Variants in ADPRHL1 observed in about 807,000 individuals in gnomAD.
ADPRHL1 encodes ADP-ribosylhydrolase like 1.
Under a neutral mutation model 44.1 loss-of-function variants are expected in ADPRHL1, and 43 were observed. The ratio of observed to expected loss-of-function variants is 0.98; its 90% CI spans 0.76 to 1.26. ADPRHL1 has a LOEUF of 1.26. Among genes scored for constraint, ADPRHL1 ranks in the 50% most tolerant of loss-of-function variants. The pLI, the probability that ADPRHL1 is intolerant of heterozygous loss-of-function variation, is 0.00. For missense variants in ADPRHL1, 2,022 were observed against 2,496.9 expected (o/e 0.81, Z 4.05); for synonymous variants, 878 against 1,017.4 (o/e 0.86, Z 2.61).
intron 1 of ADPRHL1, among the ~76,000 whole-genome samples, chr13:113,450,875 G>T (rs1412170840): frequency 6.6e-6 from 1 of 152,132 alleles, no homozygotes; most frequent in Non-Finnish European, 1.5e-5. Context: ...GATAACTGCG[G>T]GCGAGCCTGA....
chr13:113,429,458 G>A (rs551878280), intron 3 of ADPRHL1, among the ~76,000 whole-genome samples: 6 of 152,322 alleles, frequency 3.9e-5, no homozygotes, highest in Non-Finnish European at 7.3e-5. Context: ...CACTCAGGAC[G>A]CATCCCCAGG....
rs779268662 is a variant in ADPRHL1, at chr13:113,453,484, CTT to C, written c.-49_-48del. On this transcript the variant is annotated 5_prime_UTR_variant, in exon 1 of 8. Coordinates refer to ENST00000612156, the MANE Select transcript of ADPRHL1 (RefSeq NM_001394807.1). The surrounding 1 kb of genome is among the most constrained non-coding windows in gnomAD (Gnocchi z 5.4). ...CCCAACAGCTGCGGAGCGTCCTGGC[CTT>C]TGTCTCCTCCTCAGCCCGCCTGACT... 2.3e-5 allele frequency: 37 copies of C among 1,590,670 alleles called. No homozygotes were observed. The African/African-American group carries it at 4.7e-4, about 20-fold the overall frequency.
At chr13:113,438,952 C>T (rs1000987624) in intron 2 of ADPRHL1, among the ~76,000 whole-genome samples, 3 of 152,140 alleles carry the variant, frequency 2.0e-5, no homozygotes, top group East Asian at 3.8e-4. Context: ...CTTTGACTTG[C>T]CTTTTCATTC....
At chr13:113,437,181 A>T (rs963409901) in intron 2 of ADPRHL1, among the ~76,000 whole-genome samples, 2 of 145,502 alleles carry the variant, frequency 1.4e-5, no homozygotes, top group Non-Finnish European at 3.0e-5. Flanking sequence ...GAGTGAACAT[A>T]GGTGTACCCC....
At position 113,406,791 on chromosome 13, in the gene ADPRHL1, CAGCCTG is replaced by C; in HGVS notation, c.2485_2490del (p.Gln829_Ala830del). ...TCCGTGGCAGGCTGTGTTCTCCGAG[CAGCCTG>C]GACCGATGGAGCGTTCAGGGGTGGG... is the stretch of plus-strand genomic sequence containing the variant. On this transcript the variant is annotated inframe_deletion, in exon 8 of 8. Coordinates refer to ENST00000612156, the MANE Select transcript of ADPRHL1 (RefSeq NM_001394807.1). 1 of 1,232,010 alleles carries C rather than the reference CAGCCTG, an allele frequency of 8.1e-7. No homozygotes were observed. 76.3% of individuals were successfully genotyped at this position (1,232,010 alleles called of 1,614,324 possible).
At position 113,409,467 on chromosome 13, in the gene ADPRHL1, C is replaced by T; in HGVS notation, c.1062-1247G>A. ...TATAATGTTGAAAAATCTAGAGCAT[C>T]CTCGATGTCCAACTCCAGGGCGGCC... On this transcript the variant is annotated intron_variant, in intron 7 of 7. Transcript: ENST00000612156. This position sits in a 1 kb window ranked among gnomAD's most constrained non-coding sequence, Gnocchi z 4.2. 1 of 985,408 alleles carries T rather than the reference C, an allele frequency of 1.0e-6. No individual in the cohort carries two copies. The highest frequency in any genetic ancestry group is 1.2e-6 in the Non-Finnish European group (1 of 829,926). The allele number at this position is 985,408 out of a possible 1,614,324, so 61.0% of individuals were successfully genotyped here.
chr13:113,435,229 CCCAGGT>C, intron 2 of ADPRHL1, among the ~76,000 whole-genome samples: 3 of 15,656 alleles, frequency 1.9e-4, no homozygotes, highest in African/African-American at 4.7e-4. Flanking sequence ...GGACCCAGCA[CCCAGGT>C]GTAGAGTGAA....
chr13:113,433,975 A>C, intron 2 of ADPRHL1, 108 bp from the exon 3 acceptor site: 2 of 1,410,358 alleles, frequency 1.4e-6, no homozygotes, highest in Non-Finnish European at 1.9e-6. Context: ...GTGTAATAAC[A>C]TGTTATCAGA....
At chr13:113,420,729 T>C (rs1446474362) in intron 7 of ADPRHL1, among the ~76,000 whole-genome samples, 2 of 151,978 alleles carry the variant, frequency 1.3e-5, no homozygotes, top group Non-Finnish European at 2.9e-5. Context: ...CGGAGCCACA[T>C]TGCTGCAGCA....
chr13:113,415,259 G>A (rs1231814768), intron 7 of ADPRHL1, among the ~76,000 whole-genome samples: 2 of 152,216 alleles, frequency 1.3e-5, no homozygotes, highest in Non-Finnish European at 2.9e-5. Context: ...GGGTGGGGCA[G>A]GGTGAGAAAC....
intron 7 of ADPRHL1, among the ~76,000 whole-genome samples, chr13:113,412,566 C>T (rs2043860216): frequency 6.6e-6 from 1 of 152,248 alleles, no homozygotes; most frequent in Non-Finnish European, 1.5e-5. Context: ...AGAGCCCCTG[C>T]ATGGGCGGGA....
At chr13:113,444,667 C>T (rs1218161173) in intron 1 of ADPRHL1, 78 bp from the exon 2 acceptor site, 7 of 1,518,102 alleles carry the variant, frequency 4.6e-6, no homozygotes, top group African/African-American at 4.1e-5. Flanking sequence ...GGTCAGGCAC[C>T]ATAGTCTGGG....
At chr13:113,432,099 C>G (rs1325374924) in intron 3 of ADPRHL1, among the ~76,000 whole-genome samples, 1 of 151,346 alleles carries the variant, frequency 6.6e-6, no homozygotes, top group Non-Finnish European at 1.5e-5. Context: ...GATTCTTGTG[C>G]TCATTACATT....
intron 7 of ADPRHL1, among the ~76,000 whole-genome samples, chr13:113,408,693 A>G (rs9549772): frequency 1.3e-5 from 2 of 152,158 alleles, no homozygotes; most frequent in Non-Finnish European, 2.9e-5. Context: ...AAATTCTGCC[A>G]TGATCCCAGG....
At chr13:113,442,541 C>T (rs768151191) in intron 2 of ADPRHL1, among the ~76,000 whole-genome samples, 1 of 152,220 alleles carries the variant, frequency 6.6e-6, no homozygotes, top group Non-Finnish European at 1.5e-5. Context: ...TTCTCACTCA[C>T]ATCGCTCTGA....
At chr13:113,429,283 C>T (rs920563736) in intron 3 of ADPRHL1, among the ~76,000 whole-genome samples, 191 bp from the exon 4 acceptor site, 3 of 152,236 alleles carry the variant, frequency 2.0e-5, no homozygotes, top group African/African-American at 7.2e-5. Flanking sequence ...CCCTGGAACT[C>T]CCCATCTTCC....
At chr13:113,422,361 A>T (rs1336220159) in intron 7 of ADPRHL1, 1 of 91,162 alleles carries the variant, frequency 1.1e-5, no homozygotes, top group African/African-American at 5.1e-5. Flanking sequence ...TGGACATGGG[A>T]GGGTGGGGGG....
In ADPRHL1 at chr13:113,406,758, G is replaced by A. The variant is rs1183518661; in HGVS notation, c.2524C>T (p.Arg842Trp). The change falls in exon 8 of 8, where the codon CGG becomes TGG. Residue 842 changes from arginine (R) to tryptophan (W), a missense_variant. Arg to Trp is a moderately radical substitution (Grantham distance 101). Around this residue, in one of 8 missense-constraint regions of ADPRHL1, gnomAD observed 1,221 missense variants for 1,517.8 expected, o/e 0.80. Transcript: ENST00000612156. ...ACAACTGGAATTTGGACAGTTATCC[G>A]TGGAGGCTCCGTGGCAGGCTGTGTT... The part of the protein sequence containing the change: ...RRTQPATEPP[R>W]ITVQIPVVHE... 27 of 1,231,980 alleles carry A rather than the reference G, an allele frequency of 2.2e-5. 1 individual carries two copies. Among genetic ancestry groups the A allele is most frequent in the African/African-American group, 1.1e-4 (7 of 64,534 alleles). The allele number at this position is 1,231,980 out of a possible 1,614,324, so 76.3% of individuals were successfully genotyped here.
intron 7 of ADPRHL1, among the ~76,000 whole-genome samples, chr13:113,413,557 T>G (rs891017019): frequency 1.3e-5 from 2 of 152,238 alleles, no homozygotes; most frequent in Non-Finnish European, 2.9e-5. Context: ...CTTCACTTGC[T>G]GTGAAGGTGG....
Sources: allele counts gnomAD v4.1 joint callset (sites outside exome capture counted in the v4.1 genomes callset), GRCh38; gene constraint gnomAD v4.1.1; regional missense constraint gnomAD v4.1.1; non-coding constraint Gnocchi (gnomAD v3.1); transcripts MANE v1.5; gene names NCBI Gene and HGNC (gene_info 2026-07-23, HGNC 2026-07-21).